The following CNTN6 variants were observed in gnomAD, a reference collection of about 807,000 sequenced individuals.
The protein encoded by CNTN6 is contactin-6.
Under a neutral mutation model 122.8 loss-of-function variants are expected in CNTN6, and 137 were observed. The observed-to-expected ratio is 1.12, with a 90% CI of 0.97 to 1.29. The LOEUF (loss-of-function observed/expected upper bound fraction) is 1.29, where lower values mean the gene tolerates loss of function less well. CNTN6 is among the 50% of genes most tolerant of loss of function. The pLI is 0.00. For missense variants in CNTN6, 1,634 were observed against 1,223.4 expected (o/e 1.34, Z -5.01); for synonymous variants, 570 against 426.0 (o/e 1.34, Z -4.16).
At chr3:1,135,386 A>G (rs747753508) in intron 1 of CNTN6, among the ~76,000 whole-genome samples, 2 of 152,102 alleles carry the variant, frequency 1.3e-5, no homozygotes, top group Non-Finnish European at 2.9e-5. Flanking sequence ...CAAAAGGTCC[A>G]ATTGTCCAGG....
At chr3:1,292,918 C>A (rs1409904356) in intron 5 of CNTN6, among the ~76,000 whole-genome samples, 1 of 152,110 alleles carries the variant, frequency 6.6e-6, no homozygotes, top group Admixed American at 6.6e-5. Context: ...CACACACACA[C>A]AAAGTTCCCA....
In CNTN6 at chr3:1,110,920, A is replaced by C. The variant is rs2091452914; in HGVS notation, c.-83+17800A>C. On this transcript the variant is annotated intron_variant, in intron 1 of 22. Coordinates refer to ENST00000446702, the MANE Select transcript of CNTN6 (RefSeq NM_001289080.2). ...GGCAGTAGTAAAGAACTCGAATTTT[A>C]GAGCCAGGCACACCTGGATTTGAAT... Among the ~76,000 whole-genome samples the C allele has an allele frequency of 2.0e-5, 3 of 152,180 alleles. No homozygotes were observed. The South Asian group carries it at 6.2e-4, about 31-fold the overall frequency.
At chr3:1,369,191 G>A (rs1024135643) in intron 12 of CNTN6, among the ~76,000 whole-genome samples, 6 of 152,086 alleles carry the variant, frequency 3.9e-5, no homozygotes, top group African/African-American at 4.8e-5. Flanking sequence ...ACTTCTCAGC[G>A]AAAACAGTTC....
intron 5 of CNTN6, among the ~76,000 whole-genome samples, chr3:1,287,035 T>A (rs1377525006): frequency 6.6e-6 from 1 of 152,114 alleles, no homozygotes; most frequent in Non-Finnish European, 1.5e-5. Context: ...CCTAAATATA[T>A]ATGCACCCAA....
intron 2 of CNTN6, among the ~76,000 whole-genome samples, chr3:1,179,125 AC>A (rs1352926708): frequency 1.3e-5 from 2 of 152,092 alleles, no homozygotes; most frequent in African/African-American, 4.8e-5. Flanking sequence ...AGCAAGAATG[AC>A]AGGGGGAAGG....
intron 5 of CNTN6, among the ~76,000 whole-genome samples, chr3:1,286,754 G>A (rs1448239007): frequency 6.6e-6 from 1 of 152,038 alleles, no homozygotes; most frequent in East Asian, 1.9e-4. Flanking sequence ...AAAGAGTCAA[G>A]GCTCCTCCGT....
rs1358268725 is a variant in CNTN6 at position 1,256,442 on chromosome 3, AT to A, written c.359-21968del. Among the ~76,000 whole-genome samples the A allele has an allele frequency of 1.2e-4, 18 of 152,222 alleles. No individual in the cohort carries two copies. The South Asian group carries it at 3.5e-3, about 30-fold the overall frequency. On this transcript the variant is annotated intron_variant, in intron 4 of 22. Coordinates refer to ENST00000446702, the MANE Select transcript of CNTN6 (RefSeq NM_001289080.2). ...AAATATCGCCAAATGGATAATTGAT[AT>A]TTATTATTTACTTTGATGAGGAAGA...
intron 1 of CNTN6, among the ~76,000 whole-genome samples, chr3:1,121,252 G>A (rs986908615): frequency 1.3e-5 from 2 of 151,788 alleles, no homozygotes; most frequent in African/African-American, 4.8e-5. Flanking sequence ...TAAACAAATT[G>A]ACAGGATCAT....
At chr3:1,158,574 T>G (rs978012131) in intron 2 of CNTN6, among the ~76,000 whole-genome samples, 29 of 145,686 alleles carry the variant, frequency 2.0e-4, no homozygotes, top group African/African-American at 6.8e-4. Flanking sequence ...TGACACAGAC[T>G]CAATTTTTTT....
At chr3:1,280,363 A>G (rs1011286523) in intron 5 of CNTN6, among the ~76,000 whole-genome samples, 1 of 151,750 alleles carries the variant, frequency 6.6e-6, no homozygotes, top group South Asian at 2.1e-4. Flanking sequence ...ATGCCATAAA[A>G]TTAAGTCACA....
intron 5 of CNTN6, among the ~76,000 whole-genome samples, chr3:1,292,266 C>A (rs1053596202): frequency 3.9e-5 from 6 of 152,132 alleles, no homozygotes; most frequent in African/African-American, 1.4e-4. Flanking sequence ...TGTGGCAGCT[C>A]TTCAATGTAA....
intron 7 of CNTN6, among the ~76,000 whole-genome samples, chr3:1,302,241 T>C (rs1697557758): frequency 6.7e-6 from 1 of 150,212 alleles, no homozygotes; most frequent in African/African-American, 2.5e-5. Context: ...CATTTGGTTT[T>C]AGTCATTTTT....
chr3:1,250,705 C>A (rs949865505), intron 4 of CNTN6, among the ~76,000 whole-genome samples: 2 of 152,140 alleles, frequency 1.3e-5, no homozygotes, highest in African/African-American at 4.8e-5. Context: ...CTTCCTTGGG[C>A]CTCCTAAAAC....
chr3:1,243,704 C>T (rs1156462437), intron 4 of CNTN6, among the ~76,000 whole-genome samples: 8 of 152,150 alleles, frequency 5.3e-5, no homozygotes, highest in African/African-American at 1.9e-4. Flanking sequence ...CTCCAGCCAC[C>T]TTTTAAAGAG....
At chr3:1,185,231 T>G (rs77733173) in intron 2 of CNTN6, among the ~76,000 whole-genome samples, 1,638 of 152,236 alleles carry the variant, frequency 0.011, 39 homozygotes, top group African/African-American at 0.038. Context: ...TCCTTAAAAG[T>G]GTTGGATTAA....
intron 5 of CNTN6, among the ~76,000 whole-genome samples, chr3:1,285,569 A>G (rs1694191400): frequency 6.6e-6 from 1 of 152,224 alleles, no homozygotes; most frequent in African/African-American, 2.4e-5. Context: ...CACTAAACTT[A>G]GCATTTGCAA....
chr3:1,370,014 CTCTCTT>C (rs947200637), intron 12 of CNTN6, among the ~76,000 whole-genome samples: 6 of 152,014 alleles, frequency 3.9e-5, no homozygotes, highest in Non-Finnish European at 7.4e-5. Flanking sequence ...TAATGATTCC[CTCTCTT>C]TCTCTTACCC....
At chr3:1,233,664 G>A (rs1363945104) in intron 4 of CNTN6, among the ~76,000 whole-genome samples, 3 of 148,198 alleles carry the variant, frequency 2.0e-5, no homozygotes, top group Admixed American at 6.9e-5. Flanking sequence ...GAACCCGGGA[G>A]GCAGAGGTTG....
intron 7 of CNTN6, among the ~76,000 whole-genome samples, chr3:1,318,549 T>G (rs1220536442): frequency 6.6e-6 from 1 of 151,530 alleles, no homozygotes; most frequent in Non-Finnish European, 1.5e-5. Context: ...ATTAGATGAG[T>G]TTTTAGAAAG....
Sources: gnomAD v4.1 joint callset for allele counts (sites outside exome capture counted in the v4.1 genomes callset) on GRCh38, gnomAD v4.1.1 for gene constraint, MANE v1.5 for transcripts, NCBI Gene and HGNC (gene_info 2026-07-23, HGNC 2026-07-21) for gene names.